BMPR1B: variants seen among roughly 807,000 people sequenced by gnomAD.
BMPR1B encodes the protein bone morphogenetic protein receptor type 1B.
In BMPR1B, 12 loss-of-function variants were observed where a neutral mutation model predicts 59.1. The ratio of observed to expected loss-of-function variants is 0.20; its 90% CI spans 0.13 to 0.33. The LOEUF (loss-of-function observed/expected upper bound fraction) is 0.33. Among genes scored for constraint, BMPR1B ranks in the 10% least tolerant of loss-of-function variants. The probability of loss-of-function intolerance (pLI) is 1.00; values close to 1 mark genes in which losing one functional copy is unlikely to be tolerated. For synonymous variants in BMPR1B, 237 were observed against 207.3 expected (o/e 1.14, Z -1.23); for missense variants, 550 against 610.9 (o/e 0.90, Z 1.05).
At chr4:95,045,088 T>C (rs1048116002) in intron 3 of BMPR1B, among the ~76,000 whole-genome samples, 1 of 152,180 alleles carries the variant, frequency 6.6e-6, no homozygotes, top group African/African-American at 2.4e-5. Context: ...ACTGTTGTTA[T>C]TAATGTGCCT....
intron 2 of BMPR1B, among the ~76,000 whole-genome samples, chr4:94,942,643 A>G (rs1269604762): frequency 6.6e-6 from 1 of 152,244 alleles, no homozygotes. Flanking sequence ...TGTAACAGAT[A>G]CTATGTTAAA....
At chr4:94,882,601 A>G (rs753582017) in intron 2 of BMPR1B, among the ~76,000 whole-genome samples, 3 of 152,188 alleles carry the variant, frequency 2.0e-5, no homozygotes, top group Non-Finnish European at 2.9e-5. Context: ...GAAAATCAGA[A>G]TCAGAGACTT....
intron 2 of BMPR1B, among the ~76,000 whole-genome samples, chr4:94,956,148 A>T (rs1405459832): frequency 6.6e-6 from 1 of 152,238 alleles, no homozygotes; most frequent in African/African-American, 2.4e-5. Flanking sequence ...TTAAAACCAA[A>T]CATGCCTTGT....
At chr4:94,907,769 C>G (rs1306700734) in intron 2 of BMPR1B, among the ~76,000 whole-genome samples, 2 of 151,614 alleles carry the variant, frequency 1.3e-5, no homozygotes, top group Non-Finnish European at 2.9e-5. Context: ...TGAAGAGATG[C>G]CAACTTGTAT....
At chr4:95,134,669 T>C (rs535645223) in intron 10 of BMPR1B, among the ~76,000 whole-genome samples, 3 of 152,360 alleles carry the variant, frequency 2.0e-5, no homozygotes, top group Admixed American at 6.5e-5. Context: ...ATGTCTTCTT[T>C]TGAGAAGTGT....
chr4:94,965,725 T>C (rs2149070990), intron 2 of BMPR1B, among the ~76,000 whole-genome samples: 2 of 152,310 alleles, frequency 1.3e-5, no homozygotes, highest in South Asian at 4.1e-4. Context: ...TGAATGTGTT[T>C]CAAGTAAAAT....
intron 3 of BMPR1B, chr4:95,051,786 T>C: frequency 6.5e-7 from 1 of 1,534,792 alleles, no homozygotes; most frequent in Non-Finnish European, 8.7e-7. Flanking sequence ...AGAAGATCAG[T>C]GCCCTCCACT....
rs573215724 is a variant in BMPR1B at position 95,067,016 on chromosome 4, A to G, written c.-17-37392A>G. Among the ~76,000 whole-genome samples the G allele has an allele frequency of 1.1e-4, 17 of 152,294 alleles. No homozygotes were observed. The South Asian group carries it at 3.5e-3, about 32-fold the overall frequency. On this transcript the variant is annotated intron_variant, in intron 3 of 12. Coordinates refer to ENST00000515059, the MANE Select transcript of BMPR1B (RefSeq NM_001203.3). ...TTTTAGTTTATGCTACAATATCAAGATATCTGATTTAATCCATGCATCTCT... is the reference window on the plus strand; with the variant it reads ...TTTTAGTTTATGCTACAATATCAAGGTATCTGATTTAATCCATGCATCTCT...
chr4:94,925,750 A>C (rs554248877), intron 2 of BMPR1B, among the ~76,000 whole-genome samples: 1 of 152,174 alleles, frequency 6.6e-6, no homozygotes, highest in Non-Finnish European at 1.5e-5. Context: ...TGAACCAACT[A>C]TTCAAAAAAT....
intron 2 of BMPR1B, among the ~76,000 whole-genome samples, chr4:94,951,545 C>T (rs1332090264): frequency 6.6e-6 from 1 of 151,984 alleles, no homozygotes; most frequent in Non-Finnish European, 1.5e-5. Context: ...TGCTTTTTGT[C>T]ATTGGTTCTG....
chr4:94,770,869 C>A (rs1360456893), intron 1 of BMPR1B, among the ~76,000 whole-genome samples: 21 of 139,924 alleles, frequency 1.5e-4, no homozygotes, highest in Non-Finnish European at 7.6e-5. Flanking sequence ...TTTAACTTAC[C>A]GAGACATGAT....
chr4:94,853,155 G>A (rs968121879), intron 1 of BMPR1B, among the ~76,000 whole-genome samples: 2 of 152,114 alleles, frequency 1.3e-5, no homozygotes, highest in African/African-American at 4.8e-5. Context: ...TATTAAAAAT[G>A]AGCAAATGTT....
rs567894178 is a variant in BMPR1B at position 95,130,968 on chromosome 4, G to T, written c.779-247G>T. ...TGGTCTTGAACTCCTGACCTCAAGT[G>T]ATCCACCCGCCATGGCCTCCCGATG... On this transcript the variant is annotated intron_variant, in intron 9 of 12. Transcript: ENST00000515059. 4.3e-3 allele frequency among the ~76,000 whole-genome samples: 647 copies of T among 151,896 alleles called. 3 individuals carry two copies. The highest frequency in any genetic ancestry group is 0.015 in the African/African-American group (620 of 41,456).
At chr4:94,960,721 AT>A (rs1319733864) in intron 2 of BMPR1B, among the ~76,000 whole-genome samples, 93 of 33,072 alleles carry the variant, frequency 2.8e-3, no homozygotes, top group African/African-American at 0.017. Context: ...TATGAAAAAT[AT>A]ATATATATAT....
At chr4:94,907,762 A>G (rs1728103522) in intron 2 of BMPR1B, among the ~76,000 whole-genome samples, 1 of 151,860 alleles carries the variant, frequency 6.6e-6, no homozygotes, top group South Asian at 2.1e-4. Context: ...CATTCAGTGA[A>G]GAGATGCCAA....
chr4:95,022,965 C>T (rs377498934), intron 3 of BMPR1B, among the ~76,000 whole-genome samples: 2 of 152,134 alleles, frequency 1.3e-5, no homozygotes, highest in South Asian at 2.1e-4. Flanking sequence ...ATGAAAGCCA[C>T]CCTGTTAGCA....
chr4:94,926,698 T>C (rs1018210767), intron 2 of BMPR1B, among the ~76,000 whole-genome samples: 3 of 152,052 alleles, frequency 2.0e-5, no homozygotes, highest in Non-Finnish European at 4.4e-5. Flanking sequence ...AGTGTTATAA[T>C]GATTTATAGG....
chr4:95,096,583 C>T lies in BMPR1B; in HGVS notation c.-17-7825C>T, dbSNP rs754447464. On this transcript the variant is annotated intron_variant, in intron 3 of 12. Transcript: ENST00000515059. ...AAAATAATTCTATTGTTTATTTGCA[C>T]GCCAAAAATCCAACGATCCTCTGAA... 2.5e-3 allele frequency among the ~76,000 whole-genome samples: 371 copies of T among 150,470 alleles called. 2 individuals carry two copies. Among genetic ancestry groups the T allele is most frequent in the Non-Finnish European group, 4.0e-3 (273 of 67,510 alleles).
intron 10 of BMPR1B, among the ~76,000 whole-genome samples, chr4:95,136,638 G>A (rs1733810980): frequency 6.6e-6 from 1 of 152,078 alleles, no homozygotes; most frequent in South Asian, 2.1e-4. Context: ...TTTAGTCTTG[G>A]GAGGGTGTAT....
Sources: gnomAD v4.1 joint callset for allele counts (sites outside exome capture counted in the v4.1 genomes callset) on GRCh38, gnomAD v4.1.1 for gene constraint, MANE v1.5 for transcripts, NCBI Gene and HGNC (gene_info 2026-07-23, HGNC 2026-07-21) for gene names.